HHAT: variants seen among roughly 807,000 people sequenced by gnomAD.
HHAT encodes the protein protein-cysteine N-palmitoyltransferase HHAT.
A neutral mutation model predicts 70.8 loss-of-function variants in HHAT; 47 were observed. That is an observed-to-expected ratio of 0.66 (90% confidence interval 0.53 to 0.85). The LOEUF is 0.85. Among genes scored for constraint, HHAT ranks in the 40% least tolerant of loss-of-function variants. The pLI, the probability that HHAT is intolerant of heterozygous loss-of-function variation, is 0.00. For missense variants in HHAT, 609 were observed against 604.8 expected (o/e 1.01, Z -0.07); for synonymous variants, 228 against 247.6 (o/e 0.92, Z 0.74).
chr1:210,380,328 G>A (rs1254034299), intron 3 of HHAT, among the ~76,000 whole-genome samples: 3 of 152,128 alleles, frequency 2.0e-5, no homozygotes, highest in Non-Finnish European at 2.9e-5. Flanking sequence ...ATCACTTGCA[G>A]TCAGGAGTTC....
Position 210,535,580 on chromosome 1 carries a change from C to T in HHAT, c.1043+22392C>T, listed in dbSNP as rs138198806. On this transcript the variant is annotated intron_variant, in intron 9 of 11. Coordinates refer to ENST00000261458, the MANE Select transcript of HHAT (RefSeq NM_018194.6). Reference sequence around the variant, plus strand: ...TAGACCAGTCCGCTTGGTGTGCAAACAGCTCTGTTCACACATCAGATGTCA... The same window carrying T: ...TAGACCAGTCCGCTTGGTGTGCAAATAGCTCTGTTCACACATCAGATGTCA... Among the ~76,000 whole-genome samples the T allele has an allele frequency of 4.5e-3, 682 of 152,138 alleles. 4 individuals carry two copies. The highest frequency in any genetic ancestry group is 0.016 in the African/African-American group (659 of 41,516).
chr1:210,410,442 C>G (rs1295477324), intron 6 of HHAT, among the ~76,000 whole-genome samples: 1 of 137,196 alleles, frequency 7.3e-6, no homozygotes, highest in Admixed American at 7.0e-5. Flanking sequence ...GATGAAAAAC[C>G]TTTTGTTTTT....
intron 7 of HHAT, among the ~76,000 whole-genome samples, chr1:210,452,825 T>A (rs2093781430): frequency 6.6e-6 from 1 of 152,162 alleles, no homozygotes; most frequent in Admixed American, 6.6e-5. Flanking sequence ...AGCAAGGGAT[T>A]TGAGAGTGAG....
intron 9 of HHAT, among the ~76,000 whole-genome samples, chr1:210,547,163 C>T (rs570206076): frequency 6.6e-6 from 1 of 152,184 alleles, no homozygotes; most frequent in Admixed American, 6.5e-5. Context: ...AACCCCGTTG[C>T]TACTAAAAAT....
At chr1:210,602,475 C>T (rs1664491191) in intron 10 of HHAT, among the ~76,000 whole-genome samples, 1 of 152,084 alleles carries the variant, frequency 6.6e-6, no homozygotes, top group Non-Finnish European at 1.5e-5. Flanking sequence ...GCTGGGAGAA[C>T]AGTGCGTGCG....
rs571701820 is a variant in HHAT, at chr1:210,434,722, A to G, written c.856+16397A>G. On this transcript the variant is annotated intron_variant, in intron 7 of 11. Coordinates refer to ENST00000261458, the MANE Select transcript of HHAT (RefSeq NM_018194.6). ...AGAGTTAGCTACCATTGACACCTTT[A>G]TATTAAATAGAAGGGGAAAGAGATG... Among the ~76,000 whole-genome samples the G allele has an allele frequency of 2.7e-4, 41 of 151,906 alleles. 1 individual carries two copies. In the South Asian group the frequency reaches 3.9e-3, roughly 15 times the overall value.
chr1:210,434,741 A>T (rs536376967), intron 7 of HHAT, among the ~76,000 whole-genome samples: 4 of 151,966 alleles, frequency 2.6e-5, no homozygotes, highest in Non-Finnish European at 5.9e-5. Context: ...AGAAGGGGAA[A>T]GAGATGGGAA....
At chr1:210,461,451 A>T (rs1230478169) in intron 7 of HHAT, among the ~76,000 whole-genome samples, 1 of 152,188 alleles carries the variant, frequency 6.6e-6, no homozygotes, top group Non-Finnish European at 1.5e-5. Flanking sequence ...AGCGTGCACC[A>T]CCATGCCCGA....
At chr1:210,573,449 G>A (rs779145309) in intron 9 of HHAT, among the ~76,000 whole-genome samples, 2 of 152,132 alleles carry the variant, frequency 1.3e-5, no homozygotes, top group Non-Finnish European at 2.9e-5. Flanking sequence ...CAGCACAAAG[G>A]CCAACTCTCG....
At chr1:210,434,492 G>A (rs2093329542) in intron 7 of HHAT, among the ~76,000 whole-genome samples, 1 of 151,850 alleles carries the variant, frequency 6.6e-6, no homozygotes, top group Non-Finnish European at 1.5e-5. Context: ...GCAAGGAAAT[G>A]TTATTAGATA....
chr1:210,510,903 G>A (rs896628063), intron 8 of HHAT, among the ~76,000 whole-genome samples: 6 of 152,102 alleles, frequency 3.9e-5, no homozygotes, highest in African/African-American at 1.2e-4. Context: ...TGTGATTCCC[G>A]GAATAGAGTC....
intron 6 of HHAT, among the ~76,000 whole-genome samples, chr1:210,407,800 C>T (rs1558455950): frequency 6.6e-6 from 1 of 152,138 alleles, no homozygotes; most frequent in Non-Finnish European, 1.5e-5. Flanking sequence ...ACTTGCTTAG[C>T]CTGAAGCCTG....
chr1:210,622,778 G>A (rs750214794), intron 10 of HHAT, among the ~76,000 whole-genome samples: 1 of 152,168 alleles, frequency 6.6e-6, no homozygotes, highest in Admixed American at 6.5e-5. Flanking sequence ...TTTAGGGGGT[G>A]GTTGGATGGC....
At chr1:210,647,104 A>T (rs2148925499) in intron 11 of HHAT, among the ~76,000 whole-genome samples, 1 of 152,326 alleles carries the variant, frequency 6.6e-6, no homozygotes, top group South Asian at 2.1e-4. Flanking sequence ...TCCATAATCC[A>T]AGCGTCAGAA....
At chr1:210,374,731 T>G (rs982101481) in intron 3 of HHAT, among the ~76,000 whole-genome samples, 3 of 152,054 alleles carry the variant, frequency 2.0e-5, no homozygotes, top group African/African-American at 7.2e-5. Flanking sequence ...AGAGGCCTTG[T>G]GTACCTCTAC....
chr1:210,656,400 C>T (rs533943889), intron 11 of HHAT, among the ~76,000 whole-genome samples: 8 of 82,868 alleles, frequency 9.7e-5, no homozygotes, highest in African/African-American at 2.3e-4. Context: ...AGGCTGAGCA[C>T]ACATACCCCC....
chr1:210,353,900 G>C (rs2087320503), intron 2 of HHAT, among the ~76,000 whole-genome samples: 1 of 152,028 alleles, frequency 6.6e-6, no homozygotes. Flanking sequence ...TCATTGTCAT[G>C]AGTTGAATGC....
At chr1:210,547,727 G>C (rs747483797) in intron 9 of HHAT, among the ~76,000 whole-genome samples, 1 of 152,176 alleles carries the variant, frequency 6.6e-6, no homozygotes, top group Non-Finnish European at 1.5e-5. Flanking sequence ...TGGGAATTCA[G>C]ACTTCCGAGT....
intron 11 of HHAT, among the ~76,000 whole-genome samples, chr1:210,651,158 G>A (rs1308794448): frequency 6.6e-6 from 1 of 152,172 alleles, no homozygotes; most frequent in African/African-American, 2.4e-5. Flanking sequence ...AAAGTTCTGG[G>A]TCTGTCTTCT....
Sources: gnomAD v4.1 joint callset for allele counts (sites outside exome capture counted in the v4.1 genomes callset) on GRCh38, gnomAD v4.1.1 for gene constraint, MANE v1.5 for transcripts, NCBI Gene and HGNC (gene_info 2026-07-23, HGNC 2026-07-21) for gene names.